The following CDKN2B-AS1 variants were observed in gnomAD, a reference collection of about 807,000 sequenced individuals.
CDKN2B-AS1 encodes CDKN2B antisense RNA 1 (non-protein coding).
At chr9:22,025,534 A>T (rs769319515) in intron 1 of CDKN2B-AS1, among the ~76,000 whole-genome samples, 14 of 151,942 alleles carry the variant, frequency 9.2e-5, no homozygotes, top group Non-Finnish European at 1.9e-4. Context: ...CGTTGAAGAG[A>T]TGTGGGAATG....
intron 4 of CDKN2B-AS1, among the ~76,000 whole-genome samples, chr9:22,095,649 C>G (rs1825247850): frequency 6.7e-6 from 1 of 148,820 alleles, no homozygotes; most frequent in Non-Finnish European, 1.5e-5. Flanking sequence ...TCCTTGTTAA[C>G]TTTCTGTCTC....
intron 3 of CDKN2B-AS1, among the ~76,000 whole-genome samples, chr9:22,052,436 A>G (rs1175954909): frequency 6.6e-6 from 1 of 152,222 alleles, no homozygotes; most frequent in East Asian, 1.9e-4. Flanking sequence ...GACAGATAAC[A>G]CTTCTCAAGA....
rs191971611 is a variant in CDKN2B-AS1, at chr9:22,090,674, T to G, written n.438+34287T>G. Among the ~76,000 whole-genome samples, 613 of 152,308 alleles carry G rather than the reference T, an allele frequency of 4.0e-3. 6 individuals are homozygous for G. Among genetic ancestry groups the G allele is most frequent in the African/African-American group, 0.014 (575 of 41,566 alleles). ...TCCTTCACCCACTTTTTGATGGGGC[T>G]GTTTTTTTTTCTTGTAAATTTGTTT... On this transcript the variant is annotated intron_variant and non_coding_transcript_variant, in intron 4 of 4. Coordinates refer to ENST00000650946, the Ensembl canonical transcript of CDKN2B-AS1.
At position 22,006,941 on chromosome 9, in the gene CDKN2B-AS1, GTT is replaced by G. The variant is rs200003797; in HGVS notation, n.29+11781_29+11782del. Among the ~76,000 whole-genome samples, 213 of 151,956 alleles carry G rather than the reference GTT, an allele frequency of 1.4e-3. 2 individuals are homozygous for G. The East Asian group carries it at 0.036, about 25-fold the overall frequency. On this transcript the variant is annotated intron_variant and non_coding_transcript_variant, in intron 1 of 4. Transcript: ENST00000650946. The surrounding 1 kb of genome is among the most constrained non-coding windows in gnomAD (Gnocchi z 6.4). ...TATAATAAATGATTTTTCCTTAACA[GTT>G]CATCATTTTAAATTTAGACTATAAT...
chr9:22,034,052 G>A (rs116657872), intron 1 of CDKN2B-AS1, among the ~76,000 whole-genome samples: 115 of 152,298 alleles, frequency 7.6e-4, no homozygotes, highest in African/African-American at 2.6e-3. Flanking sequence ...TAAAAGACAT[G>A]AAGTTAATGA....
Position 22,006,089 on chromosome 9 carries a change from C to G in CDKN2B-AS1, n.29+10928C>G. The G allele has an allele frequency of 6.2e-7, 1 of 1,607,960 alleles. No homozygotes were observed. On this transcript the variant is annotated intron_variant and non_coding_transcript_variant, in intron 1 of 4. Transcript: ENST00000650946. This position sits in a 1 kb window ranked among gnomAD's most constrained non-coding sequence, Gnocchi z 6.4. ...GACCCCAGGCATCGCGCACGTCCAG[C>G]CGCGCCCCGGCCCGGTGCAGCACCA...
At chr9:22,088,423 A>G (rs1205202078) in intron 4 of CDKN2B-AS1, among the ~76,000 whole-genome samples, 2 of 141,212 alleles carry the variant, frequency 1.4e-5, no homozygotes, top group Non-Finnish European at 3.0e-5. Context: ...ACAATTGCAC[A>G]CATACACAAA....
chr9:22,017,691 A>G (rs946298572), intron 1 of CDKN2B-AS1, among the ~76,000 whole-genome samples: 14 of 152,240 alleles, frequency 9.2e-5, no homozygotes, highest in Non-Finnish European at 1.8e-4. Flanking sequence ...TATGAACAAC[A>G]TATTGAAGTT....
intron 1 of CDKN2B-AS1, among the ~76,000 whole-genome samples, chr9:22,019,915 T>G (rs1821946158): frequency 6.6e-6 from 1 of 152,224 alleles, no homozygotes; most frequent in Non-Finnish European, 1.5e-5. Context: ...GTTTGTTACA[T>G]AGGTTAAACT....
At chr9:22,112,821 T>TA (rs1188872382) in intron 4 of CDKN2B-AS1, among the ~76,000 whole-genome samples, 1 of 152,012 alleles carries the variant, frequency 6.6e-6, no homozygotes, top group African/African-American at 2.4e-5. Context: ...CCTGTCTTCT[T>TA]AAAAAAATGA....
chr9:22,076,319 G>C (rs1824490239), intron 4 of CDKN2B-AS1, among the ~76,000 whole-genome samples: 1 of 152,118 alleles, frequency 6.6e-6, no homozygotes, highest in Non-Finnish European at 1.5e-5. Context: ...CTCCCAAAGT[G>C]TGGGATTACA....
intron 3 of CDKN2B-AS1, among the ~76,000 whole-genome samples, chr9:22,050,154 A>G (rs150812981): frequency 2.0e-3 from 303 of 152,334 alleles, no homozygotes; most frequent in African/African-American, 6.8e-3. Flanking sequence ...GCACACACAT[A>G]GACTTAAGTA....
intron 4 of CDKN2B-AS1, among the ~76,000 whole-genome samples, chr9:22,104,719 A>T (rs1439897365): frequency 2.6e-5 from 4 of 152,200 alleles, no homozygotes; most frequent in South Asian, 2.1e-4. Flanking sequence ...TATTTAATAA[A>T]AATTGTGTTT....
intron 4 of CDKN2B-AS1, among the ~76,000 whole-genome samples, chr9:22,071,218 G>T (rs1824272664): frequency 1.4e-5 from 2 of 146,442 alleles, no homozygotes; most frequent in Non-Finnish European, 3.0e-5. Flanking sequence ...GCCACCAAAT[G>T]GCTGGTTAAA....
chr9:22,025,665 C>T (rs539377309), intron 1 of CDKN2B-AS1, among the ~76,000 whole-genome samples: 24 of 152,264 alleles, frequency 1.6e-4, no homozygotes, highest in South Asian at 6.2e-4. Flanking sequence ...GTGAAAGCTG[C>T]GAAACAGCAA....
chr9:22,084,590 G>A (rs1202126047), intron 4 of CDKN2B-AS1, among the ~76,000 whole-genome samples: 1 of 152,052 alleles, frequency 6.6e-6, no homozygotes, highest in African/African-American at 2.4e-5. Flanking sequence ...ATGGGTTTTT[G>A]TCTCTGGGAG....
chr9:22,052,144 A>C (rs1335779789), intron 3 of CDKN2B-AS1, among the ~76,000 whole-genome samples: 2 of 152,108 alleles, frequency 1.3e-5, no homozygotes, highest in Non-Finnish European at 2.9e-5. Flanking sequence ...TCACCAAAAT[A>C]TTTCAAATTT....
chr9:22,078,027 T>A (rs925377264), intron 4 of CDKN2B-AS1: 6 of 152,210 alleles, frequency 3.9e-5, no homozygotes, highest in African/African-American at 1.2e-4. Flanking sequence ...TGTTTTACTA[T>A]CTCCAAGCCC....
intron 4 of CDKN2B-AS1, among the ~76,000 whole-genome samples, chr9:22,068,342 G>C (rs1201684325): frequency 2.0e-5 from 3 of 152,154 alleles, no homozygotes; most frequent in Non-Finnish European, 4.4e-5. Flanking sequence ...GGGAAGGAAA[G>C]CTCAGAATGC....
Sources: allele counts gnomAD v4.1 joint callset (sites outside exome capture counted in the v4.1 genomes callset), GRCh38; gene constraint gnomAD v4.1.1; non-coding constraint Gnocchi (gnomAD v3.1); transcripts MANE v1.5; gene names NCBI Gene and HGNC (gene_info 2026-07-23, HGNC 2026-07-21).